The following MACROD2 variants were observed in gnomAD, a reference collection of about 807,000 sequenced individuals.
The protein encoded by MACROD2 is mono-ADP ribosylhydrolase 2.
MACROD2 carries 36 observed loss-of-function variants against 70.4 expected under a neutral mutation model. The ratio of observed to expected loss-of-function variants is 0.51; its 90% CI spans 0.39 to 0.68. MACROD2 has a LOEUF of 0.68. MACROD2 is among the 30% of genes least tolerant of loss of function. The pLI is 0.00. For missense variants in MACROD2, 496 were observed against 538.4 expected (o/e 0.92, Z 0.78); for synonymous variants, 172 against 178.8 (o/e 0.96, Z 0.30).
chr20:14,020,428 G>T (rs537979839), intron 2 of MACROD2, among the ~76,000 whole-genome samples: 1 of 152,058 alleles, frequency 6.6e-6, no homozygotes, highest in South Asian at 2.1e-4. Flanking sequence ...AGCCGAGATC[G>T]CACCCTTGCA....
chr20:14,454,983 A>G (rs1169473006), intron 3 of MACROD2, among the ~76,000 whole-genome samples: 1 of 151,460 alleles, frequency 6.6e-6, no homozygotes. Flanking sequence ...CGATCTCCTG[A>G]CCTCGTGATC....
intron 4 of MACROD2, among the ~76,000 whole-genome samples, chr20:14,498,828 C>T (rs1362680022): frequency 6.6e-6 from 1 of 152,240 alleles, no homozygotes; most frequent in African/African-American, 2.4e-5. Context: ...TCACCTCCCT[C>T]CACATACACA....
intron 3 of MACROD2, chr20:14,325,673 G>A: frequency 6.2e-7 from 1 of 1,613,802 alleles, no homozygotes; most frequent in Non-Finnish European, 8.5e-7. Flanking sequence ...AATATGGTGT[G>A]TATTACAAAC....
At chr20:15,557,279 A>T (rs2048180866) in intron 8 of MACROD2, among the ~76,000 whole-genome samples, 1 of 152,228 alleles carries the variant, frequency 6.6e-6, no homozygotes, top group Non-Finnish European at 1.5e-5. Context: ...CCAGGCTATA[A>T]AATACAGGCT....
chr20:15,872,352 A>C (rs1207958959), intron 9 of MACROD2, among the ~76,000 whole-genome samples: 1 of 152,168 alleles, frequency 6.6e-6, no homozygotes, highest in Non-Finnish European at 1.5e-5. Flanking sequence ...AGAAGCTTGA[A>C]GAAGGGGTGG....
At chr20:15,997,066 C>T (rs572971270) in intron 15 of MACROD2, among the ~76,000 whole-genome samples, 81 of 152,170 alleles carry the variant, frequency 5.3e-4, no homozygotes, top group African/African-American at 1.8e-3. Context: ...GTCTGTGTGT[C>T]TGTTGTTGTG....
chr20:14,171,995 T>A (rs1278556086), intron 3 of MACROD2, among the ~76,000 whole-genome samples: 1 of 152,214 alleles, frequency 6.6e-6, no homozygotes, highest in Non-Finnish European at 1.5e-5. Flanking sequence ...TAATAGTAAT[T>A]GTTTTATAAA....
At chr20:15,452,267 C>T (rs2046653870) in intron 7 of MACROD2, among the ~76,000 whole-genome samples, 1 of 152,126 alleles carries the variant, frequency 6.6e-6, no homozygotes, top group African/African-American at 2.4e-5. Flanking sequence ...CTGAGGCCCT[C>T]ACTCTTATTT....
chr20:14,505,899 T>G (rs1455993637), intron 4 of MACROD2, among the ~76,000 whole-genome samples: 1 of 152,198 alleles, frequency 6.6e-6, no homozygotes, highest in East Asian at 1.9e-4. Flanking sequence ...ATAACCATTT[T>G]AGTACTCTTA....
chr20:15,496,090 C>T (rs114905905), intron 7 of MACROD2, among the ~76,000 whole-genome samples: 158 of 152,232 alleles, frequency 1.0e-3, no homozygotes, highest in African/African-American at 3.7e-3. Context: ...AAAGGGCCAG[C>T]TTATTCAGGG....
chr20:14,273,743 G>A (rs994191529), intron 3 of MACROD2, among the ~76,000 whole-genome samples: 21 of 151,970 alleles, frequency 1.4e-4, no homozygotes, highest in East Asian at 4.0e-4. Flanking sequence ...TTGATAGACC[G>A]CTAGCAAGAC....
At chr20:15,723,017 A>G in intron 8 of MACROD2, among the ~76,000 whole-genome samples, 1 of 152,198 alleles carries the variant, frequency 6.6e-6, no homozygotes, top group South Asian at 2.1e-4. Flanking sequence ...ATTTACCTGC[A>G]AACGCTCTGT....
chr20:14,691,169 C>T (rs1023008510), intron 5 of MACROD2, among the ~76,000 whole-genome samples: 12 of 152,202 alleles, frequency 7.9e-5, no homozygotes, highest in Non-Finnish European at 1.5e-5. Flanking sequence ...CCACTGGCCT[C>T]AGCCTCCCAA....
chr20:14,025,817 T>A (rs573063608), intron 2 of MACROD2, among the ~76,000 whole-genome samples: 14 of 152,310 alleles, frequency 9.2e-5, no homozygotes, highest in Middle Eastern at 3.4e-3. Flanking sequence ...GAATGTATAT[T>A]CCGTTTATTT....
chr20:14,919,835 A>G (rs1379002241), intron 5 of MACROD2, among the ~76,000 whole-genome samples: 1 of 152,240 alleles, frequency 6.6e-6, no homozygotes, highest in Non-Finnish European at 1.5e-5. Context: ...GGAGAAATAA[A>G]TAGAAACCAT....
chr20:14,562,379 T>C (rs977095164), intron 4 of MACROD2, among the ~76,000 whole-genome samples: 1 of 151,958 alleles, frequency 6.6e-6, no homozygotes, highest in African/African-American at 2.4e-5. Context: ...CTTCTTCTTT[T>C]GAATTCAACA....
At chr20:15,032,832 C>T (rs1164952074) in intron 5 of MACROD2, among the ~76,000 whole-genome samples, 2 of 152,152 alleles carry the variant, frequency 1.3e-5, no homozygotes, top group Non-Finnish European at 2.9e-5. Context: ...CCCCAAATGG[C>T]CATCAACAGA....
At chr20:15,327,716 C>A (rs914569881) in intron 6 of MACROD2, among the ~76,000 whole-genome samples, 1 of 152,096 alleles carries the variant, frequency 6.6e-6, no homozygotes, top group African/African-American at 2.4e-5. Flanking sequence ...ATATCACTGC[C>A]CCCTACTTCT....
intron 5 of MACROD2, among the ~76,000 whole-genome samples, chr20:14,862,744 A>G (rs2073385694): frequency 7.7e-6 from 1 of 129,978 alleles, no homozygotes; most frequent in Non-Finnish European, 1.6e-5. Context: ...GATGAAGACC[A>G]AAGCAGTGAG....
Sources: allele counts gnomAD v4.1 joint callset (sites outside exome capture counted in the v4.1 genomes callset), GRCh38; gene constraint gnomAD v4.1.1; transcripts MANE v1.5; gene names NCBI Gene and HGNC (gene_info 2026-07-23, HGNC 2026-07-21).